The following RABEP2 variants were observed in gnomAD, a reference collection of about 807,000 sequenced individuals.
RABEP2 encodes rab GTPase-binding effector protein 2.
In RABEP2, 57 loss-of-function variants were observed where a neutral mutation model predicts 74.1. That is an observed-to-expected ratio of 0.77 (90% CI 0.62 to 0.96). The LOEUF (loss-of-function observed/expected upper bound fraction) is 0.96, where lower values mean the gene tolerates loss of function less well. Among genes scored for constraint, RABEP2 ranks in the 40% least tolerant of loss-of-function variants. RABEP2 has a pLI of 0.00. For synonymous variants in RABEP2, 351 were observed against 344.0 expected (o/e 1.02, Z -0.23); for missense variants, 692 against 756.3 (o/e 0.91, Z 1.00).
chr16:28,922,153 T>A (rs754993224), intron 2 of RABEP2, among the ~76,000 whole-genome samples: 16 of 152,162 alleles, frequency 1.1e-4, no homozygotes, highest in Non-Finnish European at 1.8e-4. Context: ...CTCACTTTGG[T>A]GCCCAGGCTG....
Position 28,906,138 on chromosome 16 carries a change from T to C in RABEP2, c.1304A>G (p.Gln435Arg). 1 of 1,582,922 alleles carries C rather than the reference T, an allele frequency of 6.3e-7. No homozygotes were observed. The change falls in exon 9 of 13, where the codon CAG becomes CGG. Residue 435 changes from glutamine (Q) to arginine (R), a missense_variant. Coordinates refer to ENST00000358201, the MANE Select transcript of RABEP2 (RefSeq NM_024816.3). ...RQEARARLQA[Q>R]EHGAERLRIE... ...CCGCAGGCGCTCGGCCCCGTGCTCCTGGGCCTGCAGCCGGGCCCTCGCCTC... is the reference window on the plus strand; with the variant it reads ...CCGCAGGCGCTCGGCCCCGTGCTCCCGGGCCTGCAGCCGGGCCCTCGCCTC...
chr16:28,910,976 A>AGC lies in RABEP2; in HGVS notation c.999_1000dup (p.Leu334ArgfsTer20), dbSNP rs750700816. 1.9e-6 allele frequency: 3 copies of AGC among 1,610,966 alleles called. No homozygotes were observed. The highest frequency in any genetic ancestry group is 1.7e-5 in the Admixed American group (1 of 59,860). The stretch of plus-strand genomic sequence containing the variant: ...CTCTGAGTTCTGGACCTGGGCCAGG[A>AGC]GCACCTGCATCTGGGTTGGAGGGAG... On this transcript the variant is annotated frameshift_variant, in exon 7 of 13. Coordinates refer to ENST00000358201, the MANE Select transcript of RABEP2 (RefSeq NM_024816.3). LOFTEE classifies it high-confidence loss of function.
intron 7 of RABEP2, 109 bp downstream of exon 7, chr16:28,910,779 G>T: frequency 2.1e-6 from 2 of 966,340 alleles, no homozygotes; most frequent in Non-Finnish European, 3.1e-6. Flanking sequence ...GGCCTGAGCA[G>T]CTGGGGACAG....
chr16:28,919,713 G>A, intron 3 of RABEP2, 73 bp downstream of exon 3: 1 of 1,507,490 alleles, frequency 6.6e-7, no homozygotes, highest in Non-Finnish European at 9.0e-7. Flanking sequence ...CCCATGACCA[G>A]GGAATGGGAC....
chr16:28,919,966 G>C, intron 2 of RABEP2, 23 bp from the exon 3 acceptor site: 1 of 1,549,474 alleles, frequency 6.5e-7, no homozygotes, highest in Non-Finnish European at 8.8e-7. Context: ...AGGGAGGGTG[G>C]GAGAGAGGGA....
rs1964195328 is a variant in RABEP2 at position 28,904,761 on chromosome 16, G to A, written c.*182C>T. 1.5e-6 allele frequency: 1 copy of A among 652,386 alleles called. No individual in the cohort carries two copies. The highest frequency in any genetic ancestry group is 2.6e-6 in the Non-Finnish European group (1 of 386,838). 40.4% of individuals were successfully genotyped at this position (652,386 alleles called of 1,614,324 possible). A position where few individuals can be genotyped will look rare whatever the true frequency, so the allele number is the denominator to read the frequency against. On this transcript the variant is annotated 3_prime_UTR_variant, in exon 13 of 13. Transcript: ENST00000358201. ...CACCCAGGTGTGATCCCTGAGAACA[G>A]GAGGCCCAGCCACCCTGGGAGGAGG...
intron 2 of RABEP2, 22 bp downstream of exon 2, chr16:28,924,381 C>G: frequency 6.2e-7 from 1 of 1,601,110 alleles, no homozygotes; most frequent in Non-Finnish European, 8.5e-7. Flanking sequence ...GATGGGGAGT[C>G]TAGGTGAGTC....
intron 8 of RABEP2, among the ~76,000 whole-genome samples, chr16:28,907,141 T>C (rs916217454): frequency 1.4e-5 from 2 of 144,446 alleles, no homozygotes; most frequent in South Asian, 2.3e-4. Flanking sequence ...CCATGGATCT[T>C]TTTTTTTGTT....
intron 1 of RABEP2, 180 bp downstream of exon 1, chr16:28,924,923 C>A (rs1964514114): frequency 2.3e-6 from 2 of 853,332 alleles, no homozygotes; most frequent in South Asian, 2.9e-5. Flanking sequence ...CTGGCCCTAC[C>A]CCTTCAATGG....
Position 28,908,168 on chromosome 16 carries a change from T to C in RABEP2, c.1245+441A>G, listed in dbSNP as rs544831587. Reference sequence around the variant, plus strand: ...GTTGGCCAGGCTGGTCTCAAATTCCTGACCTCAAGTGATCCGCCCGCCTCA... The same window carrying C: ...GTTGGCCAGGCTGGTCTCAAATTCCCGACCTCAAGTGATCCGCCCGCCTCA... On this transcript the variant is annotated intron_variant, in intron 8 of 12. Transcript: ENST00000358201. Among the ~76,000 whole-genome samples, 131 of 152,264 alleles carry C rather than the reference T, an allele frequency of 8.6e-4. 1 individual carries two copies. Among genetic ancestry groups the C allele is most frequent in the African/African-American group, 2.9e-3 (122 of 41,564 alleles).
chr16:28,924,456 G>A lies in RABEP2; in HGVS notation c.221C>T (p.Ala74Val), dbSNP rs574630655. The A allele has an allele frequency of 1.9e-6, 3 of 1,613,692 alleles. No individual in the cohort carries two copies. Among genetic ancestry groups the A allele is most frequent in the African/African-American group, 1.3e-5 (1 of 75,014 alleles). Reference protein sequence around the residue: ...SESTKAEAVAAVQRQCQEEVA... With the variant: ...SESTKAEAVAVVQRQCQEEVA... ...CTCCTCTTGGCACTGCCGCTGCACC[G>A]CAGCCACAGCCTCGGCCTTCGTGCT... Residue 74 changes from alanine (A) to valine (V), a missense_variant, in exon 2 of 13, where the codon GCG becomes GTG. Ala to Val is a moderately conservative substitution (Grantham distance 64). Coordinates refer to ENST00000358201, the MANE Select transcript of RABEP2 (RefSeq NM_024816.3).
Position 28,924,490 on chromosome 16 carries a change from C to T in RABEP2, c.187G>A (p.Val63Met). 6.2e-6 allele frequency: 10 copies of T among 1,614,112 alleles called. No homozygotes were observed. The highest frequency in any genetic ancestry group is 8.5e-6 in the Non-Finnish European group (10 of 1,180,032). The change falls in exon 2 of 13, where the codon GTG (valine) becomes ATG (methionine). Residue 63 changes from valine to methionine, a missense_variant. Val to Met is a conservative substitution (Grantham distance 21, BLOSUM62 1). Transcript: ENST00000358201. ...EMETMKAVAEVSESTKAEAVA... is the reference protein window; with the variant it reads ...EMETMKAVAEMSESTKAEAVA... ...GCCTCGGCCTTCGTGCTCTCGCTCA[C>T]CTCTGCCACAGCCTTCATGGTTTCC... is the stretch of plus-strand genomic sequence containing the variant.
intron 3 of RABEP2, among the ~76,000 whole-genome samples, chr16:28,919,148 T>C (rs1964434414): frequency 6.6e-6 from 1 of 152,182 alleles, no homozygotes; most frequent in Non-Finnish European, 1.5e-5. Context: ...GCACAGTGCC[T>C]AAAGCATCAG....
intron 5 of RABEP2, among the ~76,000 whole-genome samples, chr16:28,912,673 A>C (rs897959576): frequency 6.6e-6 from 1 of 152,004 alleles, no homozygotes; most frequent in Non-Finnish European, 1.5e-5. Context: ...TCAGTGTCCC[A>C]AAGTGCTGAG....
intron 5 of RABEP2, among the ~76,000 whole-genome samples, chr16:28,913,704 T>C (rs1455198148): frequency 6.6e-6 from 1 of 151,314 alleles, no homozygotes; most frequent in Non-Finnish European, 1.5e-5. Flanking sequence ...CTCAAACTCC[T>C]GACCTCAGGT....
At chr16:28,918,964 G>T (rs1964431850) in intron 3 of RABEP2, among the ~76,000 whole-genome samples, 1 of 152,140 alleles carries the variant, frequency 6.6e-6, no homozygotes, top group African/African-American at 2.4e-5. Flanking sequence ...GGGATTATAA[G>T]CATGAGTTAG....
intron 7 of RABEP2, among the ~76,000 whole-genome samples, chr16:28,909,150 C>T (rs1222974188): frequency 6.6e-6 from 1 of 152,038 alleles, no homozygotes; most frequent in African/African-American, 2.4e-5. Flanking sequence ...GATCTCGGCT[C>T]ACTGCAACCT....
chr16:28,924,852 C>G (rs989749041), intron 1 of RABEP2: 2 of 732,690 alleles, frequency 2.7e-6, no homozygotes, highest in Non-Finnish European at 4.8e-6. Flanking sequence ...TCGGTCCCAC[C>G]TGGCCCCGCC....
chr16:28,921,495 T>A (rs545052227), intron 2 of RABEP2, among the ~76,000 whole-genome samples: 4 of 151,580 alleles, frequency 2.6e-5, no homozygotes, highest in Non-Finnish European at 4.4e-5. Flanking sequence ...TGGTGGAATA[T>A]GTTGGAGGGA....
Sources: allele counts gnomAD v4.1 joint callset (sites outside exome capture counted in the v4.1 genomes callset), GRCh38; gene constraint gnomAD v4.1.1; transcripts MANE v1.5; gene names NCBI Gene and HGNC (gene_info 2026-07-23, HGNC 2026-07-21).